The following ANLN variants were observed in gnomAD, a reference collection of about 807,000 sequenced individuals.
ANLN encodes anillin, actin binding protein.
ANLN carries 59 observed loss-of-function variants against 135.1 expected under a neutral mutation model. The observed-to-expected ratio is 0.44, with a 90% CI of 0.35 to 0.54. ANLN has a LOEUF of 0.54. Among genes scored for constraint, ANLN ranks in the 20% least tolerant of loss-of-function variants. The pLI is 0.00. For synonymous variants in ANLN, 406 were observed against 456.4 expected (o/e 0.89, Z 1.41); for missense variants, 1,182 against 1,340.0 (o/e 0.88, Z 1.84).
intron 20 of ANLN, among the ~76,000 whole-genome samples, chr7:36,435,689 C>T (rs1363642287): frequency 2.0e-5 from 3 of 150,864 alleles, no homozygotes; most frequent in Non-Finnish European, 4.4e-5. Context: ...CTGGCTAACA[C>T]GGTGAAACCC....
chr7:36,410,577 A>G lies in ANLN; in HGVS notation c.1160A>G (p.Glu387Gly). ...FGERCQEHSK[E>G]SPARSTPHRT... Reference sequence around the variant, plus strand: ...GAGCGTTGTCAAGAACATAGCAAAGAAAGTCCAGCTCGTAGCACACCCCAC... The same window carrying G: ...GAGCGTTGTCAAGAACATAGCAAAGGAAGTCCAGCTCGTAGCACACCCCAC... Residue 387 changes from glutamate to glycine, a missense_variant, in exon 6 of 24, where the codon GAA becomes GGA. Physicochemically the swap from Glu to Gly is moderately conservative, Grantham distance 98. Coordinates refer to ENST00000265748, the MANE Select transcript of ANLN (RefSeq NM_018685.5). 6.2e-7 allele frequency: 1 copy of G among 1,614,100 alleles called. No homozygotes were observed. The highest frequency in any genetic ancestry group is 8.5e-7 in the Non-Finnish European group (1 of 1,179,998).
At chr7:36,419,105 T>A in intron 9 of ANLN, 139 bp from the exon 10 acceptor site, 1 of 594,294 alleles carries the variant, frequency 1.7e-6, no homozygotes, top group East Asian at 2.9e-5. Context: ...AGTATTTTCT[T>A]ATTTTTCTTT....
chr7:36,444,662 G>A (rs1037165629), intron 22 of ANLN, among the ~76,000 whole-genome samples: 1 of 151,956 alleles, frequency 6.6e-6, no homozygotes, highest in African/African-American at 2.4e-5. Context: ...CTGGAAAATA[G>A]AAATAAGCAG....
Position 36,453,123 on chromosome 7 carries a change from A to T in ANLN, c.*523A>T, listed in dbSNP as rs1413943778. On this transcript the variant is annotated 3_prime_UTR_variant, in exon 24 of 24. Transcript: ENST00000265748. ...ATGAGAACTTTTTCAAATAGCAAAT[A>T]TATATTGGCTTAAAGCATGAGGCTG... 1 of 152,720 alleles carries T rather than the reference A, an allele frequency of 6.5e-6. No homozygotes were observed. The highest frequency in any genetic ancestry group is 1.9e-4 in the East Asian group (1 of 5,202). The allele number at this position is 152,720 out of a possible 1,614,324, so 9.5% of individuals were successfully genotyped here. A position where few individuals can be genotyped will look rare whatever the true frequency, so the allele number is the denominator to read the frequency against.
rs1450247350 is a variant in ANLN, at chr7:36,412,325, ATATT to A, written c.1395+1161_1395+1164del. 6.4e-5 allele frequency among the ~76,000 whole-genome samples: 7 copies of A among 109,604 alleles called. No homozygotes were observed. In the East Asian group the frequency reaches 7.1e-4, roughly 11 times the overall value. 71.9% of individuals were successfully genotyped at this position (109,604 alleles called of 152,430 possible). ...CAGAGAAATATATATATATATATAT[ATATT>A]TTTTTTTTTTTTTTTTGACATGGAG... On this transcript the variant is annotated intron_variant, in intron 7 of 23. Coordinates refer to ENST00000265748, the MANE Select transcript of ANLN (RefSeq NM_018685.5).
chr7:36,422,858 T>A, intron 14 of ANLN, 49 bp downstream of exon 14: 1 of 1,512,672 alleles, frequency 6.6e-7, no homozygotes, highest in East Asian at 2.3e-5. Context: ...GAACCTCACC[T>A]AGATTGAATT....
chr7:36,445,570 A>C (rs533503579), intron 22 of ANLN, among the ~76,000 whole-genome samples: 1 of 152,128 alleles, frequency 6.6e-6, no homozygotes, highest in Non-Finnish European at 1.5e-5. Flanking sequence ...CAATTTATCC[A>C]TTCTCCTGTT....
At chr7:36,426,367 A>G (rs1462043667) in intron 19 of ANLN, among the ~76,000 whole-genome samples, 2 of 152,170 alleles carry the variant, frequency 1.3e-5, no homozygotes, top group African/African-American at 4.8e-5. Context: ...TTTTAGCTTT[A>G]CTGATCATAA....
chr7:36,437,471 T>C (rs1407942267), intron 20 of ANLN, among the ~76,000 whole-genome samples: 1 of 152,240 alleles, frequency 6.6e-6, no homozygotes, highest in Non-Finnish European at 1.5e-5. Context: ...TCTTAGCTAT[T>C]GTGAATAATG....
intron 3 of ANLN, among the ~76,000 whole-genome samples, chr7:36,399,986 C>CA (rs914244011): frequency 2.5e-4 from 29 of 117,330 alleles, no homozygotes; most frequent in South Asian, 5.3e-4. Context: ...TGCCTTGTTA[C>CA]AAAAAAAAAA....
At chr7:36,433,796 T>G (rs1356524593) in intron 20 of ANLN, among the ~76,000 whole-genome samples, 1 of 152,158 alleles carries the variant, frequency 6.6e-6, no homozygotes, top group African/African-American at 2.4e-5. Context: ...CTTGATGTGA[T>G]CTAGGCTTTG....
intron 2 of ANLN, among the ~76,000 whole-genome samples, chr7:36,396,832 A>G (rs1786720928): frequency 6.6e-6 from 1 of 152,184 alleles, no homozygotes; most frequent in South Asian, 2.1e-4. Context: ...CACACTGCCC[A>G]TGCTTGACAT....
chr7:36,398,982 G>A, intron 2 of ANLN, 97 bp from the exon 3 acceptor site: 4 of 891,622 alleles, frequency 4.5e-6, no homozygotes, highest in Non-Finnish European at 6.9e-6. Flanking sequence ...AGAATAGGGA[G>A]GGGTGATGTT....
intron 2 of ANLN, among the ~76,000 whole-genome samples, chr7:36,397,154 T>TA (rs34302069): frequency 2.1e-5 from 3 of 140,536 alleles, no homozygotes; most frequent in African/African-American, 5.0e-5. Flanking sequence ...AATGTTTTTT[T>TA]AAAAAAAAAG....
At chr7:36,436,274 A>G (rs991266874) in intron 20 of ANLN, among the ~76,000 whole-genome samples, 2 of 152,224 alleles carry the variant, frequency 1.3e-5, no homozygotes, top group Non-Finnish European at 2.9e-5. Flanking sequence ...AAGTACATCC[A>G]TGATGTAGCA....
chr7:36,424,016 A>G, intron 15 of ANLN, 73 bp downstream of exon 15: 1 of 1,459,076 alleles, frequency 6.9e-7, no homozygotes. Flanking sequence ...TAAAGCATTC[A>G]GGTGGCATTT....
intron 13 of ANLN, 50 bp downstream of exon 13, chr7:36,422,042 A>C: frequency 6.3e-7 from 1 of 1,580,364 alleles, no homozygotes; most frequent in Non-Finnish European, 8.6e-7. Flanking sequence ...AACCAGGGAA[A>C]ACTCATTTTG....
chr7:36,428,405 A>T, intron 20 of ANLN: 1 of 1,114,344 alleles, frequency 9.0e-7, no homozygotes, highest in Non-Finnish European at 1.2e-6. Context: ...CTTAAAAATC[A>T]ATCCTTAATT....
At chr7:36,445,876 T>C (rs6462676) in intron 22 of ANLN, among the ~76,000 whole-genome samples, 76,281 of 152,036 alleles carry the variant, frequency 0.5, 19,456 homozygotes, top group East Asian at 0.64. Flanking sequence ...TTCCCACCAA[T>C]ACATCATATG....
Sources: gnomAD v4.1 joint callset for allele counts (sites outside exome capture counted in the v4.1 genomes callset) on GRCh38, gnomAD v4.1.1 for gene constraint, MANE v1.5 for transcripts, NCBI Gene and HGNC (gene_info 2026-07-23, HGNC 2026-07-21) for gene names.